The following DLGAP1 variants were observed in gnomAD, a reference collection of about 807,000 sequenced individuals.
The protein encoded by DLGAP1 is disks large-associated protein 1.
In DLGAP1, 11 loss-of-function variants were observed where a neutral mutation model predicts 90.8. The observed-to-expected ratio is 0.12, with a 90% confidence interval of 0.08 to 0.20. The LOEUF is 0.20. Ranked by LOEUF, DLGAP1 falls within the 10% of genes least tolerant of loss-of-function variation. DLGAP1 has a pLI of 1.00. For missense variants in DLGAP1, 1,050 were observed against 1,333.8 expected, an observed-to-expected ratio of 0.79 and a Z score of 3.31; for synonymous variants, 558 against 540.7, an observed-to-expected ratio of 1.03 and a Z score of -0.44.
intron 2 of DLGAP1, among the ~76,000 whole-genome samples, chr18:4,100,739 G>A (rs2075767029): frequency 6.6e-6 from 1 of 152,176 alleles, no homozygotes; most frequent in South Asian, 2.1e-4. Flanking sequence ...TAAATCTTCT[G>A]GATAACTTGT....
chr18:3,737,452 T>C (rs1199680483), intron 6 of DLGAP1, among the ~76,000 whole-genome samples: 1 of 137,144 alleles, frequency 7.3e-6, no homozygotes, highest in Admixed American at 7.4e-5. Flanking sequence ...ATCCCTGGGA[T>C]GCAAGGCTGG....
At chr18:3,826,602 T>A (rs1038718642) in intron 4 of DLGAP1, among the ~76,000 whole-genome samples, 1 of 151,726 alleles carries the variant, frequency 6.6e-6, no homozygotes, top group Non-Finnish European at 1.5e-5. Context: ...GGAGGCCAGG[T>A]GAGTGGAGTG....
At chr18:4,115,606 C>T (rs1300164095) in intron 2 of DLGAP1, among the ~76,000 whole-genome samples, 2 of 152,070 alleles carry the variant, frequency 1.3e-5, no homozygotes, top group Non-Finnish European at 2.9e-5. Context: ...CTGCCTCAGC[C>T]TCCGGAGTAG....
intron 11 of DLGAP1, among the ~76,000 whole-genome samples, chr18:3,504,515 A>G (rs1598962626): frequency 6.6e-6 from 1 of 152,046 alleles, no homozygotes; most frequent in East Asian, 1.9e-4. Flanking sequence ...CTCCTGAGTA[A>G]CTGGGATTAC....
intron 4 of DLGAP1, among the ~76,000 whole-genome samples, chr18:3,854,060 T>C (rs2069490135): frequency 6.6e-6 from 1 of 152,180 alleles, no homozygotes; most frequent in Non-Finnish European, 1.5e-5. Flanking sequence ...TTTATGTTCT[T>C]AGGTATTTTA....
intron 1 of DLGAP1, among the ~76,000 whole-genome samples, chr18:4,381,013 T>C (rs1010344992): frequency 6.6e-6 from 1 of 152,194 alleles, no homozygotes; most frequent in Non-Finnish European, 1.5e-5. Flanking sequence ...AGAATACTCA[T>C]TTAATTTATT....
chr18:3,678,476 A>G (rs568040071), intron 7 of DLGAP1, among the ~76,000 whole-genome samples: 45 of 152,268 alleles, frequency 3.0e-4, no homozygotes, highest in Non-Finnish European at 5.4e-4. Context: ...AAAGCAAAGC[A>G]TGTTCTGCTT....
intron 1 of DLGAP1, among the ~76,000 whole-genome samples, chr18:4,166,363 A>G (rs1344360460): frequency 6.6e-6 from 1 of 152,186 alleles, no homozygotes; most frequent in Non-Finnish European, 1.5e-5. Context: ...TAAAATATAT[A>G]TATATAAGAT....
At chr18:4,129,856 T>C (rs2076287480) in intron 2 of DLGAP1, among the ~76,000 whole-genome samples, 1 of 152,156 alleles carries the variant, frequency 6.6e-6, no homozygotes, top group Non-Finnish European at 1.5e-5. Context: ...TGTCTCAAAG[T>C]GTTTTGGTCA....
intron 1 of DLGAP1, among the ~76,000 whole-genome samples, chr18:4,367,265 TATCGTTTTCAGAATTATTTGAA>T (rs2081796991): frequency 6.6e-6 from 1 of 151,782 alleles, no homozygotes; most frequent in African/African-American, 2.4e-5. Context: ...TTAGTGCACA[TATCGTTTTCAGAATTATTTGAA>T]AAATAAACTA....
rs150743119 is a variant in DLGAP1 at position 3,534,476 on chromosome 18, C to T, written c.2197G>A (p.Asp733Asn). 12 of 1,614,060 alleles carry T rather than the reference C, an allele frequency of 7.4e-6. No homozygotes were observed. The highest frequency in any genetic ancestry group is 2.7e-5 in the African/African-American group (2 of 74,928). Residue 733 changes from aspartate (D) to asparagine (N), a missense_variant, in exon 10 of 13, where the codon GAT (aspartate) becomes AAT (asparagine). Transcript: ENST00000315677. Reference sequence around the variant, plus strand: ...ATGCTGACTGTGGAGGTGCTGGCATCGCGGGAGAACTGTCTGGCCATGGGG... The same window carrying T: ...ATGCTGACTGTGGAGGTGCTGGCATTGCGGGAGAACTGTCTGGCCATGGGG... ...PGPMARQFSR[D>N]ASTSTVSIQG...
chr18:3,569,891 A>G (rs1388238742), intron 8 of DLGAP1, among the ~76,000 whole-genome samples: 1 of 152,174 alleles, frequency 6.6e-6, no homozygotes, highest in South Asian at 2.1e-4. Context: ...GAGCACATAT[A>G]CAATAGTGAT....
intron 2 of DLGAP1, among the ~76,000 whole-genome samples, chr18:4,006,682 G>C (rs1474121269): frequency 6.8e-6 from 1 of 146,162 alleles, no homozygotes; most frequent in Non-Finnish European, 1.5e-5. Flanking sequence ...GTATTGCTCT[G>C]TCGCCCAGGC....
rs35653599 is a variant in DLGAP1 at position 3,664,183 on chromosome 18, T to TACACACACACACACACACAC, written c.1591+64932_1591+64951dup. ...CAGCCTCCATAATTATGGGTCAGTA[T>TACACACACACACACACACAC]ACACACACACACACACACACACACA... is the stretch of plus-strand genomic sequence containing the variant. On this transcript the variant is annotated intron_variant, in intron 7 of 12. Transcript: ENST00000315677. Among the ~76,000 whole-genome samples the TACACACACACACACACACAC allele has an allele frequency of 4.4e-5, 6 of 135,740 alleles. No homozygotes were observed. In the East Asian group the frequency reaches 1.1e-3, roughly 24 times the overall value. 89.1% of individuals were successfully genotyped at this position (135,740 alleles called of 152,430 possible).
At chr18:3,907,816 C>T (rs1442867909) in intron 3 of DLGAP1, among the ~76,000 whole-genome samples, 1 of 152,184 alleles carries the variant, frequency 6.6e-6, no homozygotes, top group Non-Finnish European at 1.5e-5. Context: ...GATCAGAGGC[C>T]AGCGAGGCCA....
At chr18:4,421,211 C>A (rs2083021304) in intron 1 of DLGAP1, among the ~76,000 whole-genome samples, 1 of 152,140 alleles carries the variant, frequency 6.6e-6, no homozygotes, top group Admixed American at 6.5e-5. Flanking sequence ...CTTGCCTTTT[C>A]CAGCTCTGGT....
chr18:4,071,543 T>G lies in DLGAP1; in HGVS notation c.-158-66342A>C, dbSNP rs187744859. On this transcript the variant is annotated intron_variant, in intron 2 of 12. Transcript: ENST00000315677. Reference sequence around the variant, plus strand: ...TCTCCCACAGTTCCCAAGAAACATTTGTCAGCGTCGTCTCAGGAAAACTAC... The same window carrying G: ...TCTCCCACAGTTCCCAAGAAACATTGGTCAGCGTCGTCTCAGGAAAACTAC... Among the ~76,000 whole-genome samples the G allele has an allele frequency of 4.0e-3, 611 of 152,272 alleles. 7 individuals carry two copies. The highest frequency in any genetic ancestry group is 3.6e-3 in the Non-Finnish European group (245 of 68,026).
chr18:4,453,385 T>C (rs1297076309), intron 1 of DLGAP1, among the ~76,000 whole-genome samples: 2 of 152,194 alleles, frequency 1.3e-5, no homozygotes, highest in Non-Finnish European at 1.5e-5. Flanking sequence ...TGGCATGAAA[T>C]AAATTAGGAT....
chr18:4,008,688 G>GA (rs564262453), intron 2 of DLGAP1, among the ~76,000 whole-genome samples: 3 of 152,088 alleles, frequency 2.0e-5, no homozygotes, highest in East Asian at 1.9e-4. Flanking sequence ...CAGTGACGGG[G>GA]AAAAAAATAA....
Sources: gnomAD v4.1 joint callset for allele counts (sites outside exome capture counted in the v4.1 genomes callset) on GRCh38, gnomAD v4.1.1 for gene constraint, MANE v1.5 for transcripts, NCBI Gene and HGNC (gene_info 2026-07-23, HGNC 2026-07-21) for gene names.